Variants in TNRC6C observed in about 807,000 individuals in gnomAD.
The protein encoded by TNRC6C is trinucleotide repeat containing adaptor 6C.
Under a neutral mutation model 153.7 loss-of-function variants are expected in TNRC6C, and 20 were observed. The observed-to-expected ratio is 0.13, with a 90% CI of 0.09 to 0.19. TNRC6C has a LOEUF of 0.19. TNRC6C is among the 10% of genes least tolerant of loss of function. TNRC6C has a pLI of 1.00. For synonymous variants in TNRC6C, 811 were observed against 841.4 expected (o/e 0.96, Z 0.63); for missense variants, 1,987 against 2,172.0 (o/e 0.91, Z 1.69).
intron 1 of TNRC6C, among the ~76,000 whole-genome samples, chr17:78,007,661 T>G (rs1342858250): frequency 6.6e-6 from 1 of 152,254 alleles, no homozygotes; most frequent in Non-Finnish European, 1.5e-5. Context: ...CTCAAGGCCC[T>G]GAGTTGTTTG....
chr17:78,000,757 G>A (rs556962649), upstream of TNRC6C, among the ~76,000 whole-genome samples: 35 of 151,902 alleles, frequency 2.3e-4, no homozygotes, highest in South Asian at 6.9e-3. Flanking sequence ...TACAATTTCT[G>A]ATAACTAAAC....
chr17:78,041,689 G>C (rs79999986), intron 2 of TNRC6C, among the ~76,000 whole-genome samples: 2,306 of 152,274 alleles, frequency 0.015, 71 homozygotes, highest in African/African-American at 0.053. Context: ...TGCAGTAGAG[G>C]GGGAGGCATC....
intron 1 of TNRC6C, among the ~76,000 whole-genome samples, chr17:78,029,329 G>T (rs955050322): frequency 6.6e-6 from 1 of 152,212 alleles, no homozygotes; most frequent in Non-Finnish European, 1.5e-5. Flanking sequence ...ACTCACCTAT[G>T]CCATGTGATA....
At chr17:77,980,984 T>G (rs1418170005) in intron 1 of TNRC6C, among the ~76,000 whole-genome samples, 1 of 152,038 alleles carries the variant, frequency 6.6e-6, no homozygotes, top group African/African-American at 2.4e-5. Flanking sequence ...GTTTTTTGGT[T>G]TTTTGGTTTT....
At chr17:78,069,234 A>C (rs887411622) in intron 5 of TNRC6C, among the ~76,000 whole-genome samples, 2 of 152,132 alleles carry the variant, frequency 1.3e-5, no homozygotes, top group Non-Finnish European at 2.9e-5. Context: ...CCAGAAACCC[A>C]GTAGAAAAAG....
chr17:78,098,599 C>G, intron 17 of TNRC6C, 62 bp downstream of exon 20: 1 of 1,538,444 alleles, frequency 6.5e-7, no homozygotes, highest in Non-Finnish European at 8.8e-7. Context: ...GTGCTTATCA[C>G]TTTGTCCTGT....
chr17:77,981,948 T>C (rs2071084457), intron 1 of TNRC6C, among the ~76,000 whole-genome samples: 1 of 152,170 alleles, frequency 6.6e-6, no homozygotes, highest in African/African-American at 2.4e-5. Flanking sequence ...ATTTGTATGT[T>C]GAAATTCTAA....
chr17:77,966,276 T>C (rs1329703384), intron 1 of TNRC6C, among the ~76,000 whole-genome samples: 1 of 152,144 alleles, frequency 6.6e-6, no homozygotes, highest in Admixed American at 6.5e-5. Context: ...GTTGGCTCCT[T>C]AGGAACCGTT....
intron 2 of TNRC6C, among the ~76,000 whole-genome samples, chr17:78,033,546 G>A (rs2072115254): frequency 2.0e-5 from 3 of 152,106 alleles, no homozygotes; most frequent in South Asian, 4.2e-4. Context: ...GCACATGCCT[G>A]TAATCCCAGC....
chr17:78,090,355 A>G (rs1367949911), intron 13 of TNRC6C, among the ~76,000 whole-genome samples: 2 of 152,168 alleles, frequency 1.3e-5, no homozygotes, highest in African/African-American at 4.8e-5. Context: ...CCTGGCTCCT[A>G]TGGGCATTTG....
At position 78,069,115 on chromosome 17, in the gene TNRC6C, G is replaced by A. The variant is rs2144262227; in HGVS notation, c.2778+1192G>A. 2.6e-5 allele frequency among the ~76,000 whole-genome samples: 4 copies of A among 152,004 alleles called. No individual in the cohort carries two copies. The Middle Eastern group carries it at 0.014, about 517-fold the overall frequency. ...CATGACAGAAAATACCATAATCAAA[G>A]TCAAAAGAAAAATAGCAAACTGGAA... On this transcript the variant is annotated intron_variant, in intron 5 of 19. Coordinates refer to ENST00000301624, the Ensembl canonical transcript of TNRC6C.
At chr17:78,102,667 G>A in intron 18 of TNRC6C, 123 bp downstream of exon 21, 2 of 982,640 alleles carry the variant, frequency 2.0e-6, no homozygotes, top group Non-Finnish European at 3.0e-6. Flanking sequence ...GGGTCCATAA[G>A]TGACGCTGCA....
chr17:77,972,156 G>A (rs1377050559), intron 1 of TNRC6C, among the ~76,000 whole-genome samples: 1 of 152,072 alleles, frequency 6.6e-6, no homozygotes, highest in Admixed American at 6.6e-5. Context: ...CAACAAAATT[G>A]ACAAACCCAT....
At chr17:78,022,742 A>G (rs1189362051) in intron 1 of TNRC6C, among the ~76,000 whole-genome samples, 1 of 152,240 alleles carries the variant, frequency 6.6e-6, no homozygotes, top group Non-Finnish European at 1.5e-5. Context: ...TTTAAAAGGC[A>G]AAATGACAAG....
chr17:78,007,754 G>A (rs1440762647), intron 1 of TNRC6C, among the ~76,000 whole-genome samples: 2 of 152,142 alleles, frequency 1.3e-5, no homozygotes, highest in Admixed American at 6.5e-5. Flanking sequence ...AAATTAGATT[G>A]CATAATATAC....
intron 9 of TNRC6C, chr17:78,077,594 G>T: frequency 1.9e-6 from 1 of 521,652 alleles, no homozygotes. Context: ...GTGCTAACTT[G>T]GGACTGGCTA....
chr17:77,997,137 A>G (rs1000950457), intron 1 of TNRC6C, among the ~76,000 whole-genome samples: 1 of 152,224 alleles, frequency 6.6e-6, no homozygotes, highest in Admixed American at 6.5e-5. Flanking sequence ...GCGTTTCTTA[A>G]GAAGCGTGGT....
At chr17:78,019,058 C>G (rs1026404662) in intron 1 of TNRC6C, among the ~76,000 whole-genome samples, 1 of 152,004 alleles carries the variant, frequency 6.6e-6, no homozygotes. Context: ...TGGGATGATA[C>G]AGAAGTATGG....
At chr17:78,102,521 G>T in exon 18 of TNRC6C, 2 of 1,605,164 alleles carry the variant, frequency 1.2e-6, no homozygotes, top group Non-Finnish European at 1.7e-6. Context: ...CAGCTGGCTC[G>T]TTCTTCGAAA....
Sources: allele counts gnomAD v4.1 joint callset (sites outside exome capture counted in the v4.1 genomes callset), GRCh38; gene constraint gnomAD v4.1.1; transcripts MANE v1.5; gene names NCBI Gene and HGNC (gene_info 2026-07-23, HGNC 2026-07-21).